The following RSRC1 variants were observed in gnomAD, a reference collection of about 807,000 sequenced individuals.
RSRC1 encodes the protein arginine and serine rich coiled-coil 1.
In RSRC1, 39 loss-of-function variants were observed where a neutral mutation model predicts 49.1. That is an observed-to-expected ratio of 0.79 (90% CI 0.61 to 1.04). The LOEUF (loss-of-function observed/expected upper bound fraction) is 1.04. RSRC1 is among the 50% of genes least tolerant of loss of function. The probability of loss-of-function intolerance (pLI) is 0.00; values close to 1 mark genes in which losing one functional copy is unlikely to be tolerated. For synonymous variants in RSRC1, 143 were observed against 130.8 expected, an observed-to-expected ratio of 1.09 and a Z score of -0.63; for missense variants, 388 against 402.4, an observed-to-expected ratio of 0.96 and a Z score of 0.31.
At chr3:158,406,697 T>A (rs549132749) in intron 6 of RSRC1, among the ~76,000 whole-genome samples, 1 of 152,180 alleles carries the variant, frequency 6.6e-6, no homozygotes, top group African/African-American at 2.4e-5. Flanking sequence ...TTCAAAAAGA[T>A]AGTAAGCAGC....
At chr3:158,263,582 G>T (rs1204531563) in intron 4 of RSRC1, among the ~76,000 whole-genome samples, 2 of 152,106 alleles carry the variant, frequency 1.3e-5, no homozygotes, top group African/African-American at 4.8e-5. Flanking sequence ...TTGGAAGAGT[G>T]TGTAGAGAAT....
chr3:158,359,555 G>A (rs9867617), intron 6 of RSRC1, among the ~76,000 whole-genome samples: 79,364 of 151,862 alleles, frequency 0.52, 21,132 homozygotes, highest in African/African-American at 0.61. Flanking sequence ...CAGCTGGTCC[G>A]GGCACACTAC....
chr3:158,197,452 G>A (rs923095663), intron 3 of RSRC1, among the ~76,000 whole-genome samples: 1 of 152,002 alleles, frequency 6.6e-6, no homozygotes, highest in African/African-American at 2.4e-5. Flanking sequence ...CACAAAAGCA[G>A]CTCCTGATTT....
At position 158,284,687 on chromosome 3, in the gene RSRC1, C is replaced by T. The variant is rs930475239; in HGVS notation, c.495-13352C>T. Among the ~76,000 whole-genome samples the T allele has an allele frequency of 7.2e-5, 11 of 151,888 alleles. No individual in the cohort carries two copies. The South Asian group carries it at 1.5e-3, about 20-fold the overall frequency. On this transcript the variant is annotated intron_variant, in intron 4 of 9. Coordinates refer to ENST00000611884, the MANE Select transcript of RSRC1 (RefSeq NM_001271838.2). ...CATGTGGTTTTTGGCTGCATAAATGCCTTCTTTTGAGAAGTGTCTGTTCAC... is the reference window on the plus strand; with the variant it reads ...CATGTGGTTTTTGGCTGCATAAATGTCTTCTTTTGAGAAGTGTCTGTTCAC...
chr3:158,483,933 C>T (rs1738716061), intron 7 of RSRC1, among the ~76,000 whole-genome samples: 1 of 152,008 alleles, frequency 6.6e-6, no homozygotes, highest in Non-Finnish European at 1.5e-5. Flanking sequence ...CACTCTGAGA[C>T]CTTTTCCTTT....
At chr3:158,455,124 T>G (rs780403512) in intron 6 of RSRC1, among the ~76,000 whole-genome samples, 6 of 152,164 alleles carry the variant, frequency 3.9e-5, no homozygotes, top group Non-Finnish European at 8.8e-5. Context: ...TCCTAGAACT[T>G]TTTCCATGTT....
At chr3:158,199,871 A>G (rs1720928396) in intron 3 of RSRC1, among the ~76,000 whole-genome samples, 1 of 152,132 alleles carries the variant, frequency 6.6e-6, no homozygotes, top group Non-Finnish European at 1.5e-5. Flanking sequence ...GGTCAGAGAA[A>G]CATGTTCTGC....
At chr3:158,469,128 C>A (rs552551650) in intron 7 of RSRC1, among the ~76,000 whole-genome samples, 10 of 152,196 alleles carry the variant, frequency 6.6e-5, no homozygotes, top group African/African-American at 2.2e-4. Flanking sequence ...GGTCTAGCTT[C>A]TTCTTAAGGC....
At chr3:158,139,417 AT>A (rs1274796255) in intron 3 of RSRC1, among the ~76,000 whole-genome samples, 19 of 151,398 alleles carry the variant, frequency 1.3e-4, no homozygotes, top group African/African-American at 4.6e-4. Context: ...AAAAAAAAAA[AT>A]TTTATTTTAA....
intron 7 of RSRC1, among the ~76,000 whole-genome samples, chr3:158,481,577 A>G (rs1027383974): frequency 2.6e-5 from 4 of 152,078 alleles, no homozygotes; most frequent in African/African-American, 9.7e-5. Context: ...TTTATTTTTT[A>G]ATCATATCAG....
intron 7 of RSRC1, among the ~76,000 whole-genome samples, chr3:158,463,650 G>C (rs192238920): frequency 6.6e-6 from 1 of 152,176 alleles, no homozygotes; most frequent in Admixed American, 6.6e-5. Context: ...AAAAGCTATT[G>C]TATTAGCATA....
At chr3:158,112,217 CAGAA>C (rs1714465476) in intron 1 of RSRC1, among the ~76,000 whole-genome samples, 1 of 152,208 alleles carries the variant, frequency 6.6e-6, no homozygotes, top group Admixed American at 6.5e-5. Context: ...TTGCCCTTAT[CAGAA>C]AGAACTATCA....
At chr3:158,118,556 A>G (rs988832058) in intron 1 of RSRC1, among the ~76,000 whole-genome samples, 22 of 151,932 alleles carry the variant, frequency 1.4e-4, no homozygotes, top group African/African-American at 5.1e-4. Flanking sequence ...TGTTTGCTGG[A>G]TCATCCTGTC....
intron 8 of RSRC1, among the ~76,000 whole-genome samples, chr3:158,542,092 A>G (rs913217904): frequency 4.6e-5 from 7 of 152,202 alleles, no homozygotes; most frequent in African/African-American, 1.7e-4. Context: ...ATATATTTTA[A>G]TATTTTAAGT....
intron 4 of RSRC1, among the ~76,000 whole-genome samples, chr3:158,274,967 C>G (rs1725724382): frequency 6.6e-6 from 1 of 152,114 alleles, no homozygotes; most frequent in Non-Finnish European, 1.5e-5. Context: ...CTACTCCCCA[C>G]CCCCCAGCAA....
At chr3:158,261,587 A>G (rs1235288925) in intron 4 of RSRC1, among the ~76,000 whole-genome samples, 1 of 152,220 alleles carries the variant, frequency 6.6e-6, no homozygotes, top group Non-Finnish European at 1.5e-5. Flanking sequence ...TGAGTTGTGG[A>G]GTAGCAAGCG....
At chr3:158,151,565 GT>G (rs1428528798) in intron 3 of RSRC1, among the ~76,000 whole-genome samples, 1 of 152,134 alleles carries the variant, frequency 6.6e-6, no homozygotes, top group Non-Finnish European at 1.5e-5. Flanking sequence ...AGCTTAAAAT[GT>G]TTTGGGGGAG....
chr3:158,254,595 C>A (rs1214899995), intron 4 of RSRC1, among the ~76,000 whole-genome samples: 2 of 152,028 alleles, frequency 1.3e-5, no homozygotes, highest in Non-Finnish European at 2.9e-5. Flanking sequence ...GCACGCCTGG[C>A]TAATTTTTTG....
chr3:158,195,769 T>G (rs996739828), intron 3 of RSRC1, among the ~76,000 whole-genome samples: 20 of 152,142 alleles, frequency 1.3e-4, no homozygotes, highest in Middle Eastern at 6.4e-3. Flanking sequence ...TTTCCCCATT[T>G]CTTGTTTTTG....
Sources: allele counts gnomAD v4.1 joint callset (sites outside exome capture counted in the v4.1 genomes callset), GRCh38; gene constraint gnomAD v4.1.1; transcripts MANE v1.5; gene names NCBI Gene and HGNC (gene_info 2026-07-23, HGNC 2026-07-21).